ANKRD62: variants seen among roughly 807,000 people sequenced by gnomAD.
ANKRD62 encodes the protein ankyrin repeat domain-containing protein 62.
A neutral mutation model predicts 98.8 loss-of-function variants in ANKRD62; 61 were observed. That is an observed-to-expected ratio of 0.62 (90% CI 0.50 to 0.76). The LOEUF is 0.76. ANKRD62 is among the 30% of genes least tolerant of loss of function. The pLI, the probability that ANKRD62 is intolerant of heterozygous loss-of-function variation, is 0.00. For synonymous variants in ANKRD62, 341 were observed against 367.9 expected (o/e 0.93, Z 0.84); for missense variants, 933 against 1,082.9 (o/e 0.86, Z 1.94).
At chr18:12,157,986 T>C in the ANKRD62 span, among the ~76,000 whole-genome samples, 1 of 152,226 alleles carries the variant, frequency 6.6e-6, no homozygotes, top group Non-Finnish European at 1.5e-5. Flanking sequence ...TTTGGGGTCA[T>C]GAGCTTTAGA....
At chr18:12,110,094 T>G (rs1909508007) in intron 8 of ANKRD62, among the ~76,000 whole-genome samples, 1 of 152,230 alleles carries the variant, frequency 6.6e-6, no homozygotes, top group Non-Finnish European at 1.5e-5. Context: ...ATGCATGTCT[T>G]TAGTCTTCCT....
rs1909257899 is a variant in ANKRD62, at chr18:12,099,697, A to G, written c.820+15A>G. Reference sequence around the variant, plus strand: ...TAGCAATTCAGGTATGACTTCTGATAGTGAATTCCTCTCGATGGTCCTGTC... The same window carrying G: ...TAGCAATTCAGGTATGACTTCTGATGGTGAATTCCTCTCGATGGTCCTGTC... On this transcript the variant is annotated intron_variant, in intron 6 of 13. Transcript: ENST00000587848. The G allele has an allele frequency of 2.8e-6, 4 of 1,413,438 alleles. No individual in the cohort carries two copies. Among genetic ancestry groups the G allele is most frequent in the African/African-American group, 1.4e-5 (1 of 69,308 alleles). 87.6% of individuals were successfully genotyped at this position (1,413,438 alleles called of 1,614,324 possible).
the ANKRD62 span, among the ~76,000 whole-genome samples, chr18:12,135,504 C>T: frequency 5.3e-5 from 8 of 151,502 alleles, no homozygotes; most frequent in East Asian, 1.9e-4. Context: ...AATAAACATA[C>T]GTGTGCGTGT....
Position 12,125,808 on chromosome 18 carries a change from G to A in ANKRD62, c.1987G>A (p.Ala663Thr). The A allele has an allele frequency of 6.5e-7, 1 of 1,549,510 alleles. No homozygotes were observed. Among genetic ancestry groups the A allele is most frequent in the South Asian group, 1.2e-5 (1 of 84,072 alleles). Reference sequence around the variant, plus strand: ...ATCATACCGTTGTAGACTGGCTGCTGCCCTATGTGATCATGATCAACGTCA... The same window carrying A: ...ATCATACCGTTGTAGACTGGCTGCTACCCTATGTGATCATGATCAACGTCA... ...MESYRCRLAA[A>T]LCDHDQRQSS... Residue 663 changes from alanine (A) to threonine (T), a missense_variant, in exon 13 of 14, where the codon GCC becomes ACC. Around this residue, in one of 3 missense-constraint regions of ANKRD62, gnomAD observed 362 missense variants for 434.5 expected, o/e 0.83. Coordinates refer to ENST00000587848, the MANE Select transcript of ANKRD62 (RefSeq NM_001277333.2).
chr18:12,114,505 G>A (rs188451257), intron 8 of ANKRD62, among the ~76,000 whole-genome samples: 69 of 152,200 alleles, frequency 4.5e-4, no homozygotes, highest in Non-Finnish European at 9.3e-4. Context: ...TATGTGTTTG[G>A]GCAGGTTATG....
chr18:12,125,755 G>A lies in ANKRD62; in HGVS notation c.1934G>A (p.Ser645Asn). The A allele has an allele frequency of 3.2e-6, 5 of 1,546,878 alleles. No homozygotes were observed. The highest frequency in any genetic ancestry group is 3.5e-6 in the Non-Finnish European group (4 of 1,146,976). Residue 645 changes from serine to asparagine, a missense_variant, in exon 13 of 14, where the codon AGC (serine) becomes AAC (asparagine). Around this residue, in one of 3 missense-constraint regions of ANKRD62, gnomAD observed 362 missense variants for 434.5 expected, o/e 0.83. Transcript: ENST00000587848. The part of the protein sequence containing the change: ...LNSELQKEKQ[S>N]MSRLETEMES... ...TCTGAGCTACAGAAGGAAAAACAAAGCATGTCAAGACTGGAAACAGAAATG... is the reference window on the plus strand; with the variant it reads ...TCTGAGCTACAGAAGGAAAAACAAAACATGTCAAGACTGGAAACAGAAATG...
the ANKRD62 span, among the ~76,000 whole-genome samples, chr18:12,168,043 C>A: frequency 6.6e-6 from 1 of 151,970 alleles, no homozygotes; most frequent in Non-Finnish European, 1.5e-5. Flanking sequence ...AGCCCTTTGT[C>A]CAATGGGTAG....
At chr18:12,132,320 G>C (rs974935079), downstream of ANKRD62, among the ~76,000 whole-genome samples, 13 of 152,026 alleles carry the variant, frequency 8.6e-5, no homozygotes, top group South Asian at 4.2e-4. Context: ...CGTTGTAATT[G>C]GTTTCACTTG....
chr18:12,098,169 T>C (rs1465365529), intron 5 of ANKRD62, among the ~76,000 whole-genome samples: 1 of 152,196 alleles, frequency 6.6e-6, no homozygotes, highest in African/African-American at 2.4e-5. Context: ...GTAGCAGCTT[T>C]TCTTAGATAG....
chr18:12,127,560 C>A (rs1909919119), intron 13 of ANKRD62, among the ~76,000 whole-genome samples, 188 bp from the exon 14 acceptor site: 1 of 151,986 alleles, frequency 6.6e-6, no homozygotes, highest in South Asian at 2.1e-4. Flanking sequence ...CAGTTTGGCA[C>A]AAAGATAACA....
the ANKRD62 span, among the ~76,000 whole-genome samples, chr18:12,171,659 G>C: frequency 3.3e-5 from 5 of 152,118 alleles, no homozygotes; most frequent in Non-Finnish European, 1.5e-5. Flanking sequence ...GATGTTTTCT[G>C]TATTTCCTGA....
chr18:12,176,048 C>T, the ANKRD62 span, among the ~76,000 whole-genome samples: 26 of 150,326 alleles, frequency 1.7e-4, no homozygotes, highest in African/African-American at 6.0e-4. Flanking sequence ...AAAAATTGGC[C>T]GGGCATGGTG....
chr18:12,135,662 G>A, the ANKRD62 span, among the ~76,000 whole-genome samples: 3 of 151,776 alleles, frequency 2.0e-5, no homozygotes, highest in African/African-American at 7.3e-5. Flanking sequence ...CCCACCAACA[G>A]TGTAAAAGTG....
At chr18:12,139,472 G>A in the ANKRD62 span, among the ~76,000 whole-genome samples, 2 of 151,930 alleles carry the variant, frequency 1.3e-5, no homozygotes, top group South Asian at 2.1e-4. Context: ...GTGAAACCCC[G>A]TCTCTACTAA....
At chr18:12,103,724 A>G (rs1166685972) in intron 7 of ANKRD62, among the ~76,000 whole-genome samples, 4 of 152,094 alleles carry the variant, frequency 2.6e-5, no homozygotes, top group Non-Finnish European at 2.9e-5. Context: ...AAATCAACCC[A>G]ACTCTACCTA....
chr18:12,179,297 G>A, the ANKRD62 span, among the ~76,000 whole-genome samples: 1 of 138,742 alleles, frequency 7.2e-6, no homozygotes, highest in Non-Finnish European at 1.5e-5. Flanking sequence ...GGGAGGAACG[G>A]TGGAGGGCAG....
downstream of ANKRD62, among the ~76,000 whole-genome samples, chr18:12,134,452 G>T (rs184018080): frequency 6.6e-6 from 1 of 151,780 alleles, no homozygotes; most frequent in South Asian, 2.1e-4. Context: ...GTATACATGC[G>T]CCATGTTGGT....
chr18:12,173,670 C>G, the ANKRD62 span, among the ~76,000 whole-genome samples: 1 of 152,156 alleles, frequency 6.6e-6, no homozygotes, highest in Admixed American at 6.5e-5. Context: ...GGAGCTCTTG[C>G]AAGGCAGGTC....
chr18:12,107,203 T>C (rs1373011292), intron 7 of ANKRD62, 92 bp from the exon 8 acceptor site: 17 of 686,998 alleles, frequency 2.5e-5, no homozygotes, highest in Non-Finnish European at 3.4e-5. Context: ...TATGACAGAC[T>C]GAGTCAAGTG....
Sources: gnomAD v4.1 joint callset for allele counts (sites outside exome capture counted in the v4.1 genomes callset) on GRCh38, gnomAD v4.1.1 for gene constraint, gnomAD v4.1.1 regional missense constraint, MANE v1.5 for transcripts, NCBI Gene and HGNC (gene_info 2026-07-23, HGNC 2026-07-21) for gene names.